The following NRXN1 variants were observed in gnomAD, a reference collection of about 807,000 sequenced individuals.
NRXN1 encodes neurexin 1, also known as neurexin-1.
NRXN1 carries 39 observed loss-of-function variants against 150.9 expected under a neutral mutation model. The ratio of observed to expected loss-of-function variants is 0.26; its 90% CI spans 0.20 to 0.34. The LOEUF (loss-of-function observed/expected upper bound fraction) is 0.34, where lower values mean the gene tolerates loss of function less well. Ranked by LOEUF, NRXN1 falls within the 10% of genes least tolerant of loss-of-function variation. The pLI is 1.00. For synonymous variants in NRXN1, 924 were observed against 757.0 expected, an observed-to-expected ratio of 1.22 and a Z score of -3.62; for missense variants, 1,815 against 1,949.9, an observed-to-expected ratio of 0.93 and a Z score of 1.30.
At chr2:50,743,045 G>A (rs147793644) in intron 5 of NRXN1, among the ~76,000 whole-genome samples, 314 of 152,230 alleles carry the variant, frequency 2.1e-3, no homozygotes, top group Middle Eastern at 0.01. Context: ...AAAGACAGTG[G>A]TTTCCAAAAT....
intron 17 of NRXN1, among the ~76,000 whole-genome samples, chr2:50,414,722 C>T (rs2083420447): frequency 6.6e-6 from 1 of 151,768 alleles, no homozygotes; most frequent in African/African-American, 2.4e-5. Flanking sequence ...TATACTATAA[C>T]CATTTAAAAA....
chr2:50,032,947 TAC>T (rs147067435), intron 21 of NRXN1, among the ~76,000 whole-genome samples: 12,591 of 150,124 alleles, frequency 0.084, 625 homozygotes, highest in Middle Eastern at 0.17. Context: ...AATACACACA[TAC>T]ACACACACAC....
chr2:50,496,189 G>A (rs1013857529), intron 14 of NRXN1, 94 bp from the exon 15 acceptor site: 5 of 911,888 alleles, frequency 5.5e-6, no homozygotes, highest in African/African-American at 5.0e-5. Context: ...TTTTTCAGGT[G>A]GTTCCATCCT....
chr2:50,546,707 A>T (rs1290914621), intron 9 of NRXN1, among the ~76,000 whole-genome samples: 1 of 152,210 alleles, frequency 6.6e-6, no homozygotes, highest in African/African-American at 2.4e-5. Context: ...AAAACTTAAC[A>T]TTACAATTTT....
intron 5 of NRXN1, chr2:50,758,169 A>G (rs562933274): frequency 6.6e-6 from 1 of 151,958 alleles, no homozygotes; most frequent in South Asian, 2.1e-4. Context: ...AAATAGTTTA[A>G]CCAACGCAGA....
chr2:50,352,765 AATAATAATAATATT>A, intron 17 of NRXN1, among the ~76,000 whole-genome samples: 1 of 120,612 alleles, frequency 8.3e-6, no homozygotes, highest in East Asian at 2.6e-4. Context: ...TAATAATAAT[AATAATAATAATATT>A]ATAATAATAA....
intron 5 of NRXN1, among the ~76,000 whole-genome samples, chr2:50,721,082 A>C (rs1369181505): frequency 6.6e-6 from 1 of 152,204 alleles, no homozygotes; most frequent in Non-Finnish European, 1.5e-5. Flanking sequence ...AATCTGTATA[A>C]ATAGATAGAA....
intron 5 of NRXN1, among the ~76,000 whole-genome samples, chr2:50,700,240 C>T (rs934497940): frequency 3.9e-5 from 6 of 152,148 alleles, no homozygotes; most frequent in Non-Finnish European, 8.8e-5. Flanking sequence ...GATTGCTCCA[C>T]CACAAGCTCC....
intron 17 of NRXN1, among the ~76,000 whole-genome samples, chr2:50,458,761 T>C (rs1002021625): frequency 2.0e-5 from 3 of 152,186 alleles, no homozygotes; most frequent in Admixed American, 6.6e-5. Flanking sequence ...TTTGTATTTT[T>C]AGTAGAGATG....
At chr2:49,970,043 C>T (rs1380665070) in intron 21 of NRXN1, 1 of 151,854 alleles carries the variant, frequency 6.6e-6, no homozygotes, top group Non-Finnish European at 1.5e-5. Flanking sequence ...TTTGGCTCCC[C>T]AAAATAATAT....
At chr2:50,684,349 C>T (rs1251533929) in intron 5 of NRXN1, among the ~76,000 whole-genome samples, 1 of 151,806 alleles carries the variant, frequency 6.6e-6, no homozygotes, top group African/African-American at 2.4e-5. Flanking sequence ...CAAAAAAATA[C>T]AAAAATAGCC....
At chr2:50,993,844 A>C (rs1686356939) in intron 2 of NRXN1, among the ~76,000 whole-genome samples, 1 of 151,974 alleles carries the variant, frequency 6.6e-6, no homozygotes, top group African/African-American at 2.4e-5. Flanking sequence ...GGTAAGAGGA[A>C]AGGTTGATGA....
chr2:50,455,227 G>C (rs1262455674), intron 17 of NRXN1, among the ~76,000 whole-genome samples: 2 of 152,094 alleles, frequency 1.3e-5, no homozygotes. Flanking sequence ...ATTAGAAAAG[G>C]AAATATTGAG....
intron 5 of NRXN1, among the ~76,000 whole-genome samples, chr2:50,655,486 G>C (rs899938310): frequency 3.9e-5 from 6 of 151,966 alleles, no homozygotes; most frequent in Non-Finnish European, 7.4e-5. Context: ...ATCTGACAAG[G>C]TTGCTGTGCT....
intron 18 of NRXN1, among the ~76,000 whole-genome samples, chr2:50,189,801 A>G (rs1252900815): frequency 6.6e-6 from 1 of 152,162 alleles, no homozygotes; most frequent in East Asian, 1.9e-4. Context: ...GAGGCCTGCA[A>G]TCATTTAAAG....
chr2:50,219,822 C>T (rs1191219281), intron 18 of NRXN1, among the ~76,000 whole-genome samples: 3 of 146,590 alleles, frequency 2.0e-5, no homozygotes, highest in East Asian at 2.0e-4. Context: ...TCGGGAGTGT[C>T]GAGGCTTCAG....
At chr2:50,633,220 T>A (rs757573210) in intron 5 of NRXN1, among the ~76,000 whole-genome samples, 24 of 152,126 alleles carry the variant, frequency 1.6e-4, no homozygotes, top group Admixed American at 9.8e-4. Flanking sequence ...ACATTTCCAC[T>A]TACTATAGTC....
intron 17 of NRXN1, among the ~76,000 whole-genome samples, chr2:50,395,260 C>T (rs1321693903): frequency 6.6e-6 from 1 of 151,650 alleles, no homozygotes; most frequent in African/African-American, 2.4e-5. Flanking sequence ...AAATTAAAGA[C>T]TACGAGATTG....
chr2:50,578,467 C>T (rs1573623122), intron 8 of NRXN1, among the ~76,000 whole-genome samples: 1 of 152,016 alleles, frequency 6.6e-6, no homozygotes, highest in Non-Finnish European at 1.5e-5. Context: ...GCAGAGAGAT[C>T]CTGTGTGATC....
Sources: allele counts gnomAD v4.1 joint callset (sites outside exome capture counted in the v4.1 genomes callset), GRCh38; gene constraint gnomAD v4.1.1; transcripts MANE v1.5; gene names NCBI Gene and HGNC (gene_info 2026-07-23, HGNC 2026-07-21).